The following DCUN1D3 variants were observed in gnomAD, a reference collection of about 807,000 sequenced individuals.
DCUN1D3 encodes DCN1-like protein 3.
Under a neutral mutation model 24.8 loss-of-function variants are expected in DCUN1D3, and 6 were observed. The ratio of observed to expected loss-of-function variants is 0.24; its 90% CI spans 0.13 to 0.48. The LOEUF (loss-of-function observed/expected upper bound fraction) is 0.48. Ranked by LOEUF, DCUN1D3 falls within the 20% of genes least tolerant of loss-of-function variation. The pLI is 0.99. For missense variants in DCUN1D3, 258 were observed against 379.4 expected (o/e 0.68, Z 2.66); for synonymous variants, 120 against 144.9 (o/e 0.83, Z 1.24).
At chr16:20,894,504 C>A (rs185119699) in intron 1 of DCUN1D3, among the ~76,000 whole-genome samples, 15 of 152,280 alleles carry the variant, frequency 9.9e-5, no homozygotes, top group Non-Finnish European at 2.1e-4. Context: ...CCAGGTCCTG[C>A]GGTTGAGCCC....
intron 1 of DCUN1D3, among the ~76,000 whole-genome samples, chr16:20,874,777 G>C (rs901387433): frequency 1.3e-5 from 2 of 151,896 alleles, no homozygotes; most frequent in South Asian, 2.1e-4. Flanking sequence ...ATTTGAATAC[G>C]TTCTCTGCAG....
chr16:20,872,769 G>C (rs151118692), intron 1 of DCUN1D3, among the ~76,000 whole-genome samples: 5 of 152,172 alleles, frequency 3.3e-5, no homozygotes, highest in Admixed American at 2.6e-4. Context: ...CACCACCTAC[G>C]GTTAATATTT....
At chr16:20,884,695 A>G (rs2081860377) in intron 1 of DCUN1D3, among the ~76,000 whole-genome samples, 1 of 152,218 alleles carries the variant, frequency 6.6e-6, no homozygotes, top group Admixed American at 6.5e-5. Flanking sequence ...GACACAGGTC[A>G]CGACACCTCT....
chr16:20,870,687 T>C (rs935053242), intron 1 of DCUN1D3, among the ~76,000 whole-genome samples: 3 of 152,192 alleles, frequency 2.0e-5, no homozygotes, highest in Non-Finnish European at 1.5e-5. Flanking sequence ...TCCATTCTGT[T>C]CCCATCTAGA....
chr16:20,862,687 G>A, intron 1 of DCUN1D3, 44 bp from the exon 2 acceptor site: 1 of 1,487,850 alleles, frequency 6.7e-7, no homozygotes, highest in Middle Eastern at 2.1e-4. Context: ...TGGGGGAAAT[G>A]GGGTATGGAC....
chr16:20,886,293 G>A (rs183812388), intron 1 of DCUN1D3, among the ~76,000 whole-genome samples: 1 of 152,258 alleles, frequency 6.6e-6, no homozygotes, highest in East Asian at 1.9e-4. Context: ...TGAATAAGGT[G>A]TGGCGCTGCA....
chr16:20,862,017 A>C, intron 2 of DCUN1D3, 91 bp downstream of exon 2: 1 of 1,412,410 alleles, frequency 7.1e-7, no homozygotes, highest in Non-Finnish European at 9.7e-7. Flanking sequence ...CTATGAAGCC[A>C]ACCCAGTCCT....
At chr16:20,881,837 C>G (rs2081845279) in intron 1 of DCUN1D3, among the ~76,000 whole-genome samples, 1 of 152,188 alleles carries the variant, frequency 6.6e-6, no homozygotes, top group Non-Finnish European at 1.5e-5. Context: ...GAATCTCACT[C>G]TGTCACGCGT....
chr16:20,882,247 T>C (rs9934063), intron 1 of DCUN1D3, among the ~76,000 whole-genome samples: 64,221 of 137,746 alleles, frequency 0.47, 16,383 homozygotes, highest in Non-Finnish European at 0.6. Flanking sequence ...ATTTATAACA[T>C]TGCTATTTTT....
rs1337637988 is a variant in DCUN1D3 at position 20,862,578 on chromosome 16, T to C, written c.-40A>G. 6.4e-6 allele frequency: 10 copies of C among 1,560,750 alleles called. No individual in the cohort carries two copies. The highest frequency in any genetic ancestry group is 4.7e-5 in the South Asian group (4 of 84,848). ...GGCCTCTAGAGTGGACCCCTCTGGA[T>C]TGGATGCCCTCGCTGCCGCTGGCCC... On this transcript the variant is annotated 5_prime_UTR_variant, in exon 2 of 3. Transcript: ENST00000324344.
At chr16:20,861,388 G>A (rs1040058726) in intron 2 of DCUN1D3, among the ~76,000 whole-genome samples, 1 of 150,934 alleles carries the variant, frequency 6.6e-6, no homozygotes, top group Non-Finnish European at 1.5e-5. Context: ...CATGGAGGGA[G>A]AGAGGCGTAT....
At chr16:20,865,379 G>T (rs749279993) in intron 1 of DCUN1D3, among the ~76,000 whole-genome samples, 1 of 152,140 alleles carries the variant, frequency 6.6e-6, no homozygotes, top group Non-Finnish European at 1.5e-5. Context: ...TTTAAAAGTG[G>T]TTTTTTAAAC....
chr16:20,889,221 T>C (rs1346232767), intron 1 of DCUN1D3, among the ~76,000 whole-genome samples: 3 of 77,668 alleles, frequency 3.9e-5, no homozygotes, highest in Non-Finnish European at 8.2e-5. Context: ...TGAGACTCCA[T>C]CTCAAAAAAA....
At chr16:20,884,953 G>C (rs2081861593) in intron 1 of DCUN1D3, among the ~76,000 whole-genome samples, 1 of 150,970 alleles carries the variant, frequency 6.6e-6, no homozygotes, top group Non-Finnish European at 1.5e-5. Flanking sequence ...AATAATGTTG[G>C]GCTATATCAC....
At chr16:20,878,016 G>T (rs2081824743) in intron 1 of DCUN1D3, among the ~76,000 whole-genome samples, 1 of 152,114 alleles carries the variant, frequency 6.6e-6, no homozygotes, top group African/African-American at 2.4e-5. Context: ...TGCCCAGGCT[G>T]GTCTCGAACT....
At chr16:20,890,556 G>C (rs780828752) in intron 1 of DCUN1D3, among the ~76,000 whole-genome samples, 1 of 152,114 alleles carries the variant, frequency 6.6e-6, no homozygotes, top group Non-Finnish European at 1.5e-5. Context: ...TTGAGCCCCA[G>C]AGTTTGAAAT....
intron 1 of DCUN1D3, among the ~76,000 whole-genome samples, chr16:20,899,694 C>A (rs1331370146): frequency 6.6e-6 from 1 of 152,168 alleles, no homozygotes; most frequent in Non-Finnish European, 1.5e-5. Context: ...AGGATACAGG[C>A]AAAGCCTCCA....
At chr16:20,886,961 T>C (rs2081870529) in intron 1 of DCUN1D3, among the ~76,000 whole-genome samples, 1 of 152,232 alleles carries the variant, frequency 6.6e-6, no homozygotes, top group Middle Eastern at 3.2e-3. Flanking sequence ...TAAGCACTAT[T>C]GTCCATGAAT....
intron 1 of DCUN1D3, among the ~76,000 whole-genome samples, chr16:20,877,253 T>G (rs2081820529): frequency 6.6e-6 from 1 of 151,974 alleles, no homozygotes; most frequent in African/African-American, 2.4e-5. Flanking sequence ...GACTGAGTTC[T>G]GCGATGAAAA....
Sources: gnomAD v4.1 joint callset for allele counts (sites outside exome capture counted in the v4.1 genomes callset) on GRCh38, gnomAD v4.1.1 for gene constraint, MANE v1.5 for transcripts, NCBI Gene and HGNC (gene_info 2026-07-23, HGNC 2026-07-21) for gene names.